Variants in SYNDIG1 observed in about 807,000 individuals in gnomAD.
The protein encoded by SYNDIG1 is synapse differentiation inducing 1, also known as synapse differentiation-inducing gene protein 1.
A neutral mutation model predicts 19.4 loss-of-function variants in SYNDIG1; 9 were observed. That is an observed-to-expected ratio of 0.46 (90% CI 0.28 to 0.81). The LOEUF (loss-of-function observed/expected upper bound fraction) is 0.81, where lower values mean the gene tolerates loss of function less well. Among genes scored for constraint, SYNDIG1 ranks in the 30% least tolerant of loss-of-function variants. The pLI, the probability that SYNDIG1 is intolerant of heterozygous loss-of-function variation, is 0.12. For synonymous variants in SYNDIG1, 141 were observed against 145.9 expected (o/e 0.97, Z 0.24); for missense variants, 311 against 343.3 (o/e 0.91, Z 0.74).
chr20:24,579,973 C>G lies in SYNDIG1; in HGVS notation c.481-4883C>G, dbSNP rs372169618. Among the ~76,000 whole-genome samples, 21 of 152,316 alleles carry G rather than the reference C, an allele frequency of 1.4e-4. No homozygotes were observed. In the East Asian group the frequency reaches 3.3e-3, roughly 24 times the overall value. ...AAACCCCGAGGGAACTGAGAGCCCTCTCTCTCTGTGGAGGTAAGGAAAACT... is the reference window on the plus strand; with the variant it reads ...AAACCCCGAGGGAACTGAGAGCCCTGTCTCTCTGTGGAGGTAAGGAAAACT... On this transcript the variant is annotated intron_variant, in intron 2 of 3. Coordinates refer to ENST00000376862, the MANE Select transcript of SYNDIG1 (RefSeq NM_024893.3).
intron 3 of SYNDIG1, among the ~76,000 whole-genome samples, chr20:24,588,230 G>C (rs1218182208): frequency 6.6e-6 from 1 of 152,228 alleles, no homozygotes; most frequent in Non-Finnish European, 1.5e-5. Flanking sequence ...GCTGCTGCTG[G>C]TCGTGCCCTG....
At chr20:24,495,908 G>C (rs1046800396) in intron 1 of SYNDIG1, 1 of 152,100 alleles carries the variant, frequency 6.6e-6, no homozygotes, top group Non-Finnish European at 1.5e-5. Context: ...GCAGCGTCAC[G>C]ATCTCGGCTC....
At chr20:24,597,805 C>T (rs1445464888) in intron 3 of SYNDIG1, among the ~76,000 whole-genome samples, 4 of 152,164 alleles carry the variant, frequency 2.6e-5, no homozygotes, top group Non-Finnish European at 5.9e-5. Flanking sequence ...AGAGTCACCT[C>T]GGTGTGCAAG....
chr20:24,573,812 C>T (rs1289071718), intron 2 of SYNDIG1, among the ~76,000 whole-genome samples: 1 of 152,168 alleles, frequency 6.6e-6, no homozygotes, highest in Non-Finnish European at 1.5e-5. Flanking sequence ...TGCCCCAGGG[C>T]AGTAATGGGG....
chr20:24,504,793 C>A (rs2056546795), intron 1 of SYNDIG1, among the ~76,000 whole-genome samples: 1 of 152,154 alleles, frequency 6.6e-6, no homozygotes, highest in Admixed American at 6.5e-5. Context: ...TACGCAAAAG[C>A]CTTTGGTCTG....
chr20:24,535,798 A>G (rs985838991), intron 1 of SYNDIG1, among the ~76,000 whole-genome samples: 2 of 152,204 alleles, frequency 1.3e-5, no homozygotes, highest in African/African-American at 4.8e-5. Flanking sequence ...GTTATTAAGC[A>G]TACAAGCATG....
chr20:24,538,175 A>C (rs561624705), intron 1 of SYNDIG1, among the ~76,000 whole-genome samples: 37 of 152,316 alleles, frequency 2.4e-4, no homozygotes, highest in African/African-American at 8.9e-4. Context: ...TATTAAGTAC[A>C]CTTATAATGT....
intron 3 of SYNDIG1, among the ~76,000 whole-genome samples, chr20:24,591,008 G>A (rs1257035693): frequency 6.6e-6 from 1 of 152,024 alleles, no homozygotes. Context: ...TGGGTGCTGG[G>A]GACATTCTCT....
intron 3 of SYNDIG1, among the ~76,000 whole-genome samples, chr20:24,604,772 T>G (rs2058729478): frequency 6.6e-6 from 1 of 152,170 alleles, no homozygotes. Context: ...TGCTTTCACT[T>G]TACTCTATGG....
intron 2 of SYNDIG1, among the ~76,000 whole-genome samples, chr20:24,580,941 G>A (rs1317352359): frequency 2.0e-5 from 3 of 152,316 alleles, no homozygotes; most frequent in South Asian, 4.2e-4. Context: ...CCGGGTCAAC[G>A]GTTCCCCAAG....
chr20:24,623,455 A>C (rs1203071439), intron 3 of SYNDIG1, among the ~76,000 whole-genome samples: 5 of 152,216 alleles, frequency 3.3e-5, no homozygotes, highest in Non-Finnish European at 7.3e-5. Flanking sequence ...GATCTACATA[A>C]AGAAAAAAAG....
At chr20:24,521,872 C>G (rs2057011892) in intron 1 of SYNDIG1, among the ~76,000 whole-genome samples, 1 of 140,320 alleles carries the variant, frequency 7.1e-6, no homozygotes, top group African/African-American at 2.6e-5. Flanking sequence ...TGCACTCCAG[C>G]ATGGGTGAAA....
intron 3 of SYNDIG1, among the ~76,000 whole-genome samples, chr20:24,589,022 A>G (rs960063508): frequency 6.6e-6 from 1 of 152,278 alleles, no homozygotes; most frequent in Non-Finnish European, 1.5e-5. Flanking sequence ...TTTGCCCAAC[A>G]ATGTTCCATC....
At chr20:24,612,157 C>G (rs2058858345) in intron 3 of SYNDIG1, among the ~76,000 whole-genome samples, 1 of 152,238 alleles carries the variant, frequency 6.6e-6, no homozygotes, top group Admixed American at 6.5e-5. Context: ...AAGGCTGATT[C>G]TTTCTACAAA....
In SYNDIG1 at chr20:24,543,445, C is replaced by T. The variant is rs752814825; in HGVS notation, c.348C>T (p.Ile116=). ...VAADCCETTF[I]EDRSPTKDSL... ...CCGACTGCTGCGAGACCACCTTCAT[C>T]GAGGACCGGTCGCCCACCAAAGACA... is the stretch of plus-strand genomic sequence containing the variant. Residue 116 remains isoleucine (I), a synonymous_variant, in exon 2 of 4, where the codon ATC becomes ATT. Transcript: ENST00000376862. The T allele has an allele frequency of 1.4e-5, 22 of 1,613,490 alleles. No homozygotes were observed. In the Admixed American group the frequency reaches 2.3e-4, roughly 17 times the overall value.
At chr20:24,619,254 G>A (rs1195618786) in intron 3 of SYNDIG1, among the ~76,000 whole-genome samples, 2 of 152,146 alleles carry the variant, frequency 1.3e-5, no homozygotes, top group Admixed American at 1.3e-4. Flanking sequence ...CCTTTAATCG[G>A]GTGCATAACA....
At chr20:24,632,861 G>A (rs927748838) in intron 3 of SYNDIG1, among the ~76,000 whole-genome samples, 2 of 151,994 alleles carry the variant, frequency 1.3e-5, no homozygotes, top group African/African-American at 4.8e-5. Flanking sequence ...CTCCCTTCTG[G>A]AATAAATTCG....
intron 1 of SYNDIG1, among the ~76,000 whole-genome samples, chr20:24,525,405 C>T (rs1286145553): frequency 6.6e-6 from 1 of 151,590 alleles, no homozygotes; most frequent in Non-Finnish European, 1.5e-5. Flanking sequence ...AATTCTCCAC[C>T]TCCCGAGTAG....
chr20:24,497,246 A>T lies in SYNDIG1; in HGVS notation c.-79+27493A>T, dbSNP rs542740804. The stretch of plus-strand genomic sequence containing the variant: ...GAGACAGGGTCTCTCTGTGCTGCCC[A>T]GGCTGAGTGCAGGGATGCGATCTCG... On this transcript the variant is annotated intron_variant, in intron 1 of 3. Transcript: ENST00000376862. Among the ~76,000 whole-genome samples the T allele has an allele frequency of 9.9e-5, 15 of 152,232 alleles. No homozygotes were observed. In the South Asian group the frequency reaches 1.5e-3, roughly 15 times the overall value.
Sources: allele counts gnomAD v4.1 joint callset (sites outside exome capture counted in the v4.1 genomes callset), GRCh38; gene constraint gnomAD v4.1.1; transcripts MANE v1.5; gene names NCBI Gene and HGNC (gene_info 2026-07-23, HGNC 2026-07-21).